The following EP400 variants were observed in gnomAD, a reference collection of about 807,000 sequenced individuals.
The protein encoded by EP400 is E1A binding protein p400, also known as E1A-binding protein p400.
EP400 carries 105 observed loss-of-function variants against 354.1 expected under a neutral mutation model. The ratio of observed to expected loss-of-function variants is 0.30; its 90% CI spans 0.25 to 0.35. The LOEUF (loss-of-function observed/expected upper bound fraction) is 0.35, where lower values mean the gene tolerates loss of function less well. Among genes scored for constraint, EP400 ranks in the 10% least tolerant of loss-of-function variants. The pLI is 1.00. For synonymous variants in EP400, 1,646 were observed against 1,716.9 expected, an observed-to-expected ratio of 0.96 and a Z score of 1.02; for missense variants, 3,280 against 4,121.0, an observed-to-expected ratio of 0.80 and a Z score of 5.59.
In EP400 at chr12:132,053,240, C is replaced by T. The variant is rs1284126905; in HGVS notation, c.7473+16C>T. ...AGAGAAAAAGGTCAGCGCCCTGGGC[C>T]CTTCTGCTTGAGTGGGAAAATGTGG... On this transcript the variant is annotated intron_variant, in intron 42 of 52. Coordinates refer to ENST00000389561, the MANE Select transcript of EP400 (RefSeq NM_015409.5). 6.2e-7 allele frequency: 1 copy of T among 1,613,152 alleles called. No individual in the cohort carries two copies. The highest frequency in any genetic ancestry group is 8.5e-7 in the Non-Finnish European group (1 of 1,179,934).
At chr12:131,959,345 G>T (rs1459085617) in intron 1 of EP400, among the ~76,000 whole-genome samples, 1 of 152,174 alleles carries the variant, frequency 6.6e-6, no homozygotes, top group African/African-American at 2.4e-5. Context: ...TCTCTTAGGG[G>T]AGAAAGAGCG....
At chr12:132,065,257 G>A (rs1895851995) in intron 48 of EP400, 2 of 274,788 alleles carry the variant, frequency 7.3e-6, no homozygotes, top group Non-Finnish European at 1.4e-5. Context: ...GGCATGGGCA[G>A]GTGGCGGTCT....
intron 12 of EP400, among the ~76,000 whole-genome samples, chr12:132,000,373 A>G (rs111755398): frequency 0.017 from 2,592 of 152,290 alleles, 74 homozygotes; most frequent in African/African-American, 0.059. Flanking sequence ...TTGTTGAGGT[A>G]GGTTTTGAAT....
At chr12:132,055,318 G>C in intron 45 of EP400, 110 bp downstream of exon 45, 5 of 920,784 alleles carry the variant, frequency 5.4e-6, no homozygotes, top group Non-Finnish European at 8.0e-6. Flanking sequence ...GTGAAAAACT[G>C]TCTAGTTTGA....
intron 2 of EP400, 94 bp downstream of exon 2, chr12:131,962,048 G>T (rs556148597): frequency 2.8e-6 from 4 of 1,420,490 alleles, no homozygotes; most frequent in Admixed American, 4.8e-5. Context: ...TGAGCCTGCG[G>T]TATTTCTAAG....
At position 132,077,641 on chromosome 12, in the gene EP400, C is replaced by T. The variant is rs1388261020; in HGVS notation, c.9340C>T (p.Leu3114=). 1.2e-6 allele frequency: 2 copies of T among 1,612,914 alleles called. No homozygotes were observed. The highest frequency in any genetic ancestry group is 2.2e-5 in the East Asian group (1 of 44,866). Reference sequence around the variant, plus strand: ...ACAGATGAGGGTCCCTGCTGTCAGGCTAAAGACACCTACTAAGCCTCCGTG... The same window carrying T: ...ACAGATGAGGGTCCCTGCTGTCAGGTTAAAGACACCTACTAAGCCTCCGTG... The part of the protein sequence containing the change: ...KLQMRVPAVR[L]KTPTKPPCQ Residue 3114 remains leucine (L), a synonymous_variant, in exon 53 of 53, where the codon CTA becomes TTA. Transcript: ENST00000389561.
rs1892704013 is a variant in EP400, at chr12:131,982,207, C to T, written c.1658C>T (p.Pro553Leu). 6.2e-7 allele frequency: 1 copy of T among 1,613,860 alleles called. No individual in the cohort carries two copies. Among genetic ancestry groups the T allele is most frequent in the Non-Finnish European group, 8.5e-7 (1 of 1,179,940 alleles). Reference sequence around the variant, plus strand: ...CAGAACGCTGCCAGCTTGCACACCCCACTGCCGCAGCTGCCCGGGAGGCTG... The same window carrying T: ...CAGAACGCTGCCAGCTTGCACACCCTACTGCCGCAGCTGCCCGGGAGGCTG... ...PVQNAASLHTPLPQLPGRLPP... is the reference protein window; with the variant it reads ...PVQNAASLHTLLPQLPGRLPP... Residue 553 changes from proline (P) to leucine (L), a missense_variant, in exon 5 of 53, where the codon CCA becomes CTA. Coordinates refer to ENST00000389561, the MANE Select transcript of EP400 (RefSeq NM_015409.5).
chr12:132,048,447 GTCT>G (rs1895183528), intron 39 of EP400, among the ~76,000 whole-genome samples: 2 of 151,350 alleles, frequency 1.3e-5, no homozygotes, highest in South Asian at 4.2e-4. Context: ...CAACAATATT[GTCT>G]TCTTTTATAG....
chr12:132,073,712 A>G (rs527688154), intron 51 of EP400, among the ~76,000 whole-genome samples: 9 of 151,700 alleles, frequency 5.9e-5, no homozygotes, highest in Non-Finnish European at 1.3e-4. Context: ...TGGCCTCCCA[A>G]AGTGTTGGGA....
intron 15 of EP400, 112 bp from the exon 16 acceptor site, chr12:132,011,386 G>A (rs914948185): frequency 4.3e-5 from 58 of 1,335,570 alleles, no homozygotes; most frequent in Non-Finnish European, 5.6e-5. Context: ...GTCGTGCGAT[G>A]GCTCATGTGA....
rs1896015915 is a variant in EP400, at chr12:132,069,806, C to T, written c.9021+165C>T. Among the ~76,000 whole-genome samples, 4 of 152,162 alleles carry T rather than the reference C, an allele frequency of 2.6e-5. No homozygotes were observed. In the South Asian group the frequency reaches 8.3e-4, roughly 32 times the overall value. On this transcript the variant is annotated intron_variant, in intron 51 of 52. Transcript: ENST00000389561. ...CCTCAGGTTTCAACCCCTCTGGCTC[C>T]TGGGAAGGCTCCTCTCTGCCGGGGC...
At chr12:131,988,636 G>A (rs895035140) in intron 7 of EP400, among the ~76,000 whole-genome samples, 3 of 152,178 alleles carry the variant, frequency 2.0e-5, no homozygotes, top group African/African-American at 7.2e-5. Context: ...GGAAGACTCT[G>A]GAGGCCCTAC....
intron 23 of EP400, among the ~76,000 whole-genome samples, chr12:132,021,695 G>A (rs192788525): frequency 6.6e-6 from 1 of 152,346 alleles, no homozygotes; most frequent in Admixed American, 6.5e-5. Context: ...GACAGCGACT[G>A]CATTTGGGAA....
chr12:132,050,135 C>T lies in EP400; in HGVS notation c.7201-188C>T, dbSNP rs992647996. The stretch of plus-strand genomic sequence containing the variant: ...ACTGGAGAGTGTCACAGCAGTCGGC[C>T]GCGACAGCCACTTAATGCCGCTGCT... On this transcript the variant is annotated intron_variant, in intron 39 of 52. Coordinates refer to ENST00000389561, the MANE Select transcript of EP400 (RefSeq NM_015409.5). The surrounding 1 kb of genome is among the most constrained non-coding windows in gnomAD (Gnocchi z 4.8). Among the ~76,000 whole-genome samples, 6 of 152,090 alleles carry T rather than the reference C, an allele frequency of 3.9e-5. No individual in the cohort carries two copies. The highest frequency in any genetic ancestry group is 7.2e-5 in the African/African-American group (3 of 41,404).
At chr12:132,003,462 A>G (rs1308918572) in intron 12 of EP400, among the ~76,000 whole-genome samples, 1 of 152,186 alleles carries the variant, frequency 6.6e-6, no homozygotes, top group Non-Finnish European at 1.5e-5. Context: ...CCACCTTCTC[A>G]GGGATACTGA....
chr12:131,986,476 TTTC>T (rs760087892), intron 5 of EP400, 35 bp from the exon 6 acceptor site: 1 of 1,547,620 alleles, frequency 6.5e-7, no homozygotes, highest in Non-Finnish European at 8.7e-7. Context: ...CCCGACATCT[TTTC>T]TTCACCTTGC....
At chr12:132,077,134 C>T (rs1259551083) in intron 52 of EP400, among the ~76,000 whole-genome samples, 1 of 152,234 alleles carries the variant, frequency 6.6e-6, no homozygotes, top group African/African-American at 2.4e-5. Context: ...AGCTTTACTA[C>T]AACAACAAAA....
intron 1 of EP400, among the ~76,000 whole-genome samples, chr12:131,954,500 G>A (rs1394262212): frequency 6.6e-6 from 1 of 152,122 alleles, no homozygotes; most frequent in Non-Finnish European, 1.5e-5. Flanking sequence ...CGAAACAGGT[G>A]GATCACTTGA....
At chr12:132,048,794 C>CCCA (rs1895199437) in intron 39 of EP400, among the ~76,000 whole-genome samples, 1 of 152,184 alleles carries the variant, frequency 6.6e-6, no homozygotes, top group East Asian at 1.9e-4. Context: ...AGATAATCTA[C>CCCA]CCACCTCGGC....
Sources: allele counts gnomAD v4.1 joint callset (sites outside exome capture counted in the v4.1 genomes callset), GRCh38; gene constraint gnomAD v4.1.1; non-coding constraint Gnocchi (gnomAD v3.1); transcripts MANE v1.5; gene names NCBI Gene and HGNC (gene_info 2026-07-23, HGNC 2026-07-21).